The following ADARB1 variants were observed in gnomAD, a reference collection of about 807,000 sequenced individuals.
The protein encoded by ADARB1 is double-stranded RNA-specific editase 1.
Under a neutral mutation model 52.4 loss-of-function variants are expected in ADARB1, and 10 were observed. That is an observed-to-expected ratio of 0.19 (90% CI 0.12 to 0.32). ADARB1 has a LOEUF of 0.32. Among genes scored for constraint, ADARB1 ranks in the 10% least tolerant of loss-of-function variants. The pLI is 1.00. For synonymous variants in ADARB1, 349 were observed against 371.1 expected, an observed-to-expected ratio of 0.94 and a Z score of 0.68; for missense variants, 643 against 922.3, an observed-to-expected ratio of 0.70 and a Z score of 3.92.
rs1047080785 is a variant in ADARB1, at chr21:45,113,531, A to G, written c.-219-14871A>G. 6.6e-5 allele frequency among the ~76,000 whole-genome samples: 10 copies of G among 151,060 alleles called. 1 individual carries two copies. Among genetic ancestry groups the G allele is most frequent in the African/African-American group, 2.0e-4 (8 of 41,002 alleles). On this transcript the variant is annotated intron_variant, in intron 1 of 10. Transcript: ENST00000348831. The stretch of plus-strand genomic sequence containing the variant: ...TGTGTGTGTGTGTGTGTGTATATAT[A>G]TATATATGTTGACATGTGAGTTTTT...
At chr21:45,207,957 A>G (rs1040159488) in intron 9 of ADARB1, among the ~76,000 whole-genome samples, 15 of 152,210 alleles carry the variant, frequency 9.9e-5, no homozygotes, top group African/African-American at 3.6e-4. Context: ...CAGCCTGAAC[A>G]CTAGTTTTAC....
chr21:45,178,753 A>G (rs1569126096), intron 4 of ADARB1, among the ~76,000 whole-genome samples: 3 of 151,764 alleles, frequency 2.0e-5, no homozygotes, highest in African/African-American at 7.3e-5. Context: ...TCTTAAGAGC[A>G]TTTTTTTTGT....
At chr21:45,094,527 C>T (rs1272525721) in intron 1 of ADARB1, among the ~76,000 whole-genome samples, 4 of 152,148 alleles carry the variant, frequency 2.6e-5, no homozygotes, top group Non-Finnish European at 5.9e-5. Context: ...CCAGGCGCCC[C>T]GCCAGATCAG....
chr21:45,194,446 C>CA (rs1197911707), intron 8 of ADARB1, among the ~76,000 whole-genome samples: 3 of 113,100 alleles, frequency 2.7e-5, no homozygotes, highest in Non-Finnish European at 5.2e-5. Flanking sequence ...CACCCCCTCT[C>CA]ACCTCCTAAC....
At chr21:45,171,512 A>T in intron 2 of ADARB1, 98 bp from the exon 3 acceptor site, 1 of 781,612 alleles carries the variant, frequency 1.3e-6, no homozygotes, top group Non-Finnish European at 2.1e-6. Context: ...TTTTTCCTTT[A>T]ATTTGTAATA....
At chr21:45,179,966 G>A (rs1369679109) in intron 4 of ADARB1, among the ~76,000 whole-genome samples, 1 of 152,166 alleles carries the variant, frequency 6.6e-6, no homozygotes, top group Admixed American at 6.5e-5. Flanking sequence ...GGTGGGCGTA[G>A]GCGTGGGCAG....
At chr21:45,192,090 A>C (rs2092316720) in intron 8 of ADARB1, among the ~76,000 whole-genome samples, 1 of 151,864 alleles carries the variant, frequency 6.6e-6, no homozygotes, top group South Asian at 2.1e-4. Flanking sequence ...CTTTGAAATA[A>C]GCCAGTCGAT....
At chr21:45,169,873 C>A (rs745477992) in intron 2 of ADARB1, among the ~76,000 whole-genome samples, 12 of 152,210 alleles carry the variant, frequency 7.9e-5, no homozygotes, top group Admixed American at 3.9e-4. Flanking sequence ...GTCTGAAGCT[C>A]AGTTTGACGA....
Position 45,222,265 on chromosome 21 carries a change from T to C in ADARB1, c.*68T>C. ...CAGCGTCATCCTCCAGAACCTCACATCTGAACTGGGGGCAGGTGCATACCT... is the reference window on the plus strand; with the variant it reads ...CAGCGTCATCCTCCAGAACCTCACACCTGAACTGGGGGCAGGTGCATACCT... On this transcript the variant is annotated 3_prime_UTR_variant, in exon 11 of 11. Coordinates refer to ENST00000348831, the MANE Select transcript of ADARB1 (RefSeq NM_001112.4). The C allele has an allele frequency of 1.4e-6, 2 of 1,476,286 alleles. No homozygotes were observed. Among genetic ancestry groups the C allele is most frequent in the South Asian group, 2.8e-5 (2 of 70,642 alleles). The allele number at this position is 1,476,286 out of a possible 1,614,324, so 91.4% of individuals were successfully genotyped here.
rs893479791 is a variant in ADARB1 at position 45,172,446 on chromosome 21, T to C, written c.28+762T>C. Among the ~76,000 whole-genome samples, 1 of 152,160 alleles carries C rather than the reference T, an allele frequency of 6.6e-6. No homozygotes were observed. The highest frequency in any genetic ancestry group is 2.4e-5 in the African/African-American group (1 of 41,430). On this transcript the variant is annotated intron_variant, in intron 3 of 10. Coordinates refer to ENST00000348831, the MANE Select transcript of ADARB1 (RefSeq NM_001112.4). This position sits in a 1 kb window ranked among gnomAD's most constrained non-coding sequence, Gnocchi z 4.4. ...ATAACATGCAGCTGTCAATGATGAGTGACATGTCACTGGGAGTGATTATTG... is the reference window on the plus strand; with the variant it reads ...ATAACATGCAGCTGTCAATGATGAGCGACATGTCACTGGGAGTGATTATTG...
chr21:45,210,813 T>G (rs1338740084), intron 9 of ADARB1, among the ~76,000 whole-genome samples: 1 of 152,250 alleles, frequency 6.6e-6, no homozygotes, highest in Non-Finnish European at 1.5e-5. Flanking sequence ...CCCCAGGAGC[T>G]GCTTCAGGAA....
chr21:45,140,093 G>A lies in ADARB1; in HGVS notation c.-48+11520G>A, dbSNP rs138507582. On this transcript the variant is annotated intron_variant, in intron 2 of 10. Transcript: ENST00000348831. ...CTAGTAGCTGGGATTACAGGCGCCC[G>A]CCACCATGCCCGGCTAATTTTGTAT... Among the ~76,000 whole-genome samples, 693 of 151,896 alleles carry A rather than the reference G, an allele frequency of 4.6e-3. 6 individuals are homozygous for A. Among genetic ancestry groups the A allele is most frequent in the African/African-American group, 0.016 (654 of 41,418 alleles).
chr21:45,109,674 C>T (rs895218531), intron 1 of ADARB1, among the ~76,000 whole-genome samples: 4 of 152,172 alleles, frequency 2.6e-5, no homozygotes, highest in African/African-American at 7.2e-5. Context: ...AATAAATGGA[C>T]GGGCTTTGGT....
At chr21:45,188,965 G>A (rs2092200433) in intron 8 of ADARB1, among the ~76,000 whole-genome samples, 1 of 152,176 alleles carries the variant, frequency 6.6e-6, no homozygotes, top group Non-Finnish European at 1.5e-5. Flanking sequence ...AATTCACATG[G>A]CAGCAGACAA....
At chr21:45,213,954 A>G (rs143194717) in intron 9 of ADARB1, among the ~76,000 whole-genome samples, 69 of 152,362 alleles carry the variant, frequency 4.5e-4, no homozygotes, top group African/African-American at 1.7e-3. Flanking sequence ...TGAACTTTTT[A>G]GAAAACTATT....
intron 2 of ADARB1, among the ~76,000 whole-genome samples, chr21:45,154,246 G>C (rs1286269685): frequency 2.0e-5 from 3 of 152,184 alleles, no homozygotes; most frequent in Non-Finnish European, 2.9e-5. Context: ...ATATTAAATG[G>C]CTTGTGTTCC....
chr21:45,177,891 C>T (rs138865351), intron 4 of ADARB1, among the ~76,000 whole-genome samples: 83 of 152,164 alleles, frequency 5.5e-4, no homozygotes, highest in African/African-American at 1.9e-3. Context: ...ATTTTTTTAA[C>T]GAACCAAATA....
intron 2 of ADARB1, among the ~76,000 whole-genome samples, chr21:45,150,586 T>C (rs115469203): frequency 2.0e-5 from 3 of 152,230 alleles, no homozygotes; most frequent in African/African-American, 7.2e-5. Context: ...ATTGCTGACA[T>C]GGATCCTGAG....
Position 45,165,826 on chromosome 21 carries a change from CT to C in ADARB1, c.-47-5771del, listed in dbSNP as rs78447153. 5.0e-3 allele frequency among the ~76,000 whole-genome samples: 698 copies of C among 139,290 alleles called. 1 individual carries two copies. The highest frequency in any genetic ancestry group is 6.7e-3 in the African/African-American group (257 of 38,140). 91.4% of individuals were successfully genotyped at this position (139,290 alleles called of 152,430 possible). On this transcript the variant is annotated intron_variant, in intron 2 of 10. Transcript: ENST00000348831. ...AATAATCTCCACTTTAATACCGTTT[CT>C]TTTTTTTTTTTTAGTTTGCAGTTCA...
Sources: allele counts gnomAD v4.1 joint callset (sites outside exome capture counted in the v4.1 genomes callset), GRCh38; gene constraint gnomAD v4.1.1; non-coding constraint Gnocchi (gnomAD v3.1); transcripts MANE v1.5; gene names NCBI Gene and HGNC (gene_info 2026-07-23, HGNC 2026-07-21).